TMEM131L: variants seen among roughly 807,000 people sequenced by gnomAD.
The protein encoded by TMEM131L is transmembrane protein 131-like.
A neutral mutation model predicts 192.2 loss-of-function variants in TMEM131L; 54 were observed. That is an observed-to-expected ratio of 0.28 (90% CI 0.23 to 0.35). The LOEUF (loss-of-function observed/expected upper bound fraction) is 0.35, where lower values mean the gene tolerates loss of function less well. Among genes scored for constraint, TMEM131L ranks in the 10% least tolerant of loss-of-function variants. The probability of loss-of-function intolerance (pLI) is 1.00; values close to 1 mark genes in which losing one functional copy is unlikely to be tolerated. For missense variants in TMEM131L, 1,888 were observed against 1,972.9 expected, an observed-to-expected ratio of 0.96 and a Z score of 0.82; for synonymous variants, 701 against 704.9, an observed-to-expected ratio of 0.99 and a Z score of 0.09.
rs1362941699 is a variant in TMEM131L, at chr4:153,608,192, C to T, written c.3418+3762C>T. 5.9e-5 allele frequency among the ~76,000 whole-genome samples: 9 copies of T among 152,228 alleles called. No homozygotes were observed. In the East Asian group the frequency reaches 1.2e-3, roughly 20 times the overall value. On this transcript the variant is annotated intron_variant, in intron 25 of 34. Coordinates refer to ENST00000409959, the MANE Select transcript of TMEM131L (RefSeq NM_001131007.2). Reference sequence around the variant, plus strand: ...TCTACTCCATTTCCCCTGCCTGCTTCGGAGAGGCCTGTAGTAAATAATTAA... The same window carrying T: ...TCTACTCCATTTCCCCTGCCTGCTTTGGAGAGGCCTGTAGTAAATAATTAA...
chr4:153,589,670 AT>A (rs1730936828), intron 16 of TMEM131L, among the ~76,000 whole-genome samples: 1 of 152,230 alleles, frequency 6.6e-6, no homozygotes, highest in Non-Finnish European at 1.5e-5. Flanking sequence ...TGCACACAGT[AT>A]TTTATTGACA....
chr4:153,510,106 G>C (rs917192808), intron 3 of TMEM131L, among the ~76,000 whole-genome samples: 1 of 152,126 alleles, frequency 6.6e-6, no homozygotes, highest in South Asian at 2.1e-4. Flanking sequence ...AAGAATCTGT[G>C]TATGAAATAG....
intron 3 of TMEM131L, among the ~76,000 whole-genome samples, chr4:153,541,221 A>G (rs915500675): frequency 3.3e-5 from 5 of 152,226 alleles, no homozygotes; most frequent in African/African-American, 7.2e-5. Context: ...TTGCTGGCCT[A>G]TTCTTTAATA....
At chr4:153,622,609 AT>A (rs1733513461) in intron 28 of TMEM131L, among the ~76,000 whole-genome samples, 1 of 152,220 alleles carries the variant, frequency 6.6e-6, no homozygotes, top group Admixed American at 6.5e-5. Flanking sequence ...TCTTCTTGAT[AT>A]AAGTTATTTG....
intron 4 of TMEM131L, among the ~76,000 whole-genome samples, chr4:153,550,640 A>G (rs1370539804): frequency 6.6e-6 from 1 of 151,932 alleles, no homozygotes; most frequent in South Asian, 2.1e-4. Context: ...TTAATTTTTA[A>G]TAAGTATACC....
intron 19 of TMEM131L, among the ~76,000 whole-genome samples, chr4:153,595,548 G>A (rs1731371005): frequency 6.6e-6 from 1 of 152,030 alleles, no homozygotes; most frequent in African/African-American, 2.4e-5. Context: ...AAAACAAAGA[G>A]AAATAATATT....
Position 153,636,612 on chromosome 4 carries a change from G to A in TMEM131L, c.*36G>A. 4.4e-6 allele frequency: 7 copies of A among 1,591,828 alleles called. No individual in the cohort carries two copies. Among genetic ancestry groups the A allele is most frequent in the Non-Finnish European group, 6.0e-6 (7 of 1,164,472 alleles). ...ATTTTTAAACAATGTGAATAAAGAGGCTTGTGTTTTGATTACTAGTGTAAA... is the reference window on the plus strand; with the variant it reads ...ATTTTTAAACAATGTGAATAAAGAGACTTGTGTTTTGATTACTAGTGTAAA... On this transcript the variant is annotated 3_prime_UTR_variant, in exon 35 of 35. Coordinates refer to ENST00000409959, the MANE Select transcript of TMEM131L (RefSeq NM_001131007.2).
At chr4:153,484,426 C>A (rs996416113) in intron 3 of TMEM131L, among the ~76,000 whole-genome samples, 14 of 151,840 alleles carry the variant, frequency 9.2e-5, no homozygotes, top group African/African-American at 3.1e-4. Context: ...AGTTTTCTCC[C>A]AAAGTAGTAG....
At chr4:153,467,177 T>G in intron 1 of TMEM131L, 34 bp from the exon 2 acceptor site, 1 of 1,548,286 alleles carries the variant, frequency 6.5e-7, no homozygotes, top group Non-Finnish European at 8.7e-7. Flanking sequence ...TAGCGTGCAT[T>G]AAAAACGTGG....
rs763843224 is a variant in TMEM131L at position 153,558,356 on chromosome 4, G to A, written c.648G>A (p.Leu216=). ...TTCCAAAGGTCCAGAGCATTCAGCT[G>A]TCTCAAATGCAGGTCATTTTAATAG... ...FLLPKVQSIQ[L]SQMQAETTNT... Residue 216 remains leucine, a synonymous_variant, in exon 7 of 35, where the codon CTG becomes CTA. Transcript: ENST00000409959. 32 of 1,598,200 alleles carry A rather than the reference G, an allele frequency of 2.0e-5. No individual in the cohort carries two copies. The highest frequency in any genetic ancestry group is 2.5e-5 in the Non-Finnish European group (29 of 1,167,478).
At chr4:153,593,682 A>ATG (rs1367172091) in intron 18 of TMEM131L, 117 bp from the exon 19 acceptor site, 8 of 683,444 alleles carry the variant, frequency 1.2e-5, no homozygotes, top group Non-Finnish European at 2.1e-5. Context: ...TTTTGTGTGT[A>ATG]TGTGTGTGCA....
chr4:153,612,421 C>T, intron 26 of TMEM131L, 21 bp downstream of exon 26: 2 of 1,559,470 alleles, frequency 1.3e-6, no homozygotes, highest in Non-Finnish European at 1.7e-6. Context: ...TTTTTCTTGC[C>T]TATTAAAAAC....
chr4:153,594,838 C>T (rs879447700), intron 19 of TMEM131L, among the ~76,000 whole-genome samples: 2 of 152,150 alleles, frequency 1.3e-5, no homozygotes, highest in Admixed American at 6.5e-5. Context: ...GTCTGCCCCT[C>T]TCTCTCCTTC....
intron 33 of TMEM131L, among the ~76,000 whole-genome samples, chr4:153,634,709 T>A (rs993710254): frequency 6.6e-6 from 1 of 152,166 alleles, no homozygotes; most frequent in African/African-American, 2.4e-5. Flanking sequence ...TGGGTGGTGC[T>A]GCAGAAGGAA....
intron 3 of TMEM131L, among the ~76,000 whole-genome samples, chr4:153,504,168 C>G (rs1733807972): frequency 6.7e-6 from 1 of 150,334 alleles, no homozygotes; most frequent in Admixed American, 6.7e-5. Context: ...CGGGGTTTCA[C>G]TGTGTTGGCC....
At chr4:153,579,761 C>T (rs1219906830) in intron 7 of TMEM131L, among the ~76,000 whole-genome samples, 12 of 152,226 alleles carry the variant, frequency 7.9e-5, no homozygotes, top group Admixed American at 7.8e-4. Flanking sequence ...ATGTGAACCA[C>T]TACTGTGCCT....
At chr4:153,478,046 A>G (rs115466385) in intron 3 of TMEM131L, among the ~76,000 whole-genome samples, 2,932 of 152,278 alleles carry the variant, frequency 0.019, 54 homozygotes, top group South Asian at 0.069. Context: ...CTTAATTTAT[A>G]TGTTTTATCT....
At chr4:153,586,882 T>C (rs1730736059) in intron 14 of TMEM131L, among the ~76,000 whole-genome samples, 1 of 152,224 alleles carries the variant, frequency 6.6e-6, no homozygotes, top group African/African-American at 2.4e-5. Context: ...AAATTATATT[T>C]AATTTAGACC....
intron 3 of TMEM131L, among the ~76,000 whole-genome samples, chr4:153,542,598 A>G (rs564696393): frequency 2.8e-4 from 42 of 152,356 alleles, no homozygotes; most frequent in Middle Eastern, 3.4e-3. Context: ...TTAGGATTAT[A>G]TATAATAAAG....
Sources: allele counts gnomAD v4.1 joint callset (sites outside exome capture counted in the v4.1 genomes callset), GRCh38; gene constraint gnomAD v4.1.1; transcripts MANE v1.5; gene names NCBI Gene and HGNC (gene_info 2026-07-23, HGNC 2026-07-21).